Variants in TMED8 observed in about 807,000 individuals in gnomAD.
TMED8 encodes protein TMED8.
Under a neutral mutation model 32.7 loss-of-function variants are expected in TMED8, and 15 were observed. The ratio of observed to expected loss-of-function variants is 0.46; its 90% CI spans 0.31 to 0.71. The LOEUF (loss-of-function observed/expected upper bound fraction) is 0.71. Ranked by LOEUF, TMED8 falls within the 30% of genes least tolerant of loss-of-function variation. The pLI, the probability that TMED8 is intolerant of heterozygous loss-of-function variation, is 0.06. For synonymous variants in TMED8, 147 were observed against 161.4 expected, an observed-to-expected ratio of 0.91 and a Z score of 0.68; for missense variants, 390 against 423.9, an observed-to-expected ratio of 0.92 and a Z score of 0.70.
At chr14:77,349,038 C>T (rs182457385) in intron 2 of TMED8, among the ~76,000 whole-genome samples, 15 of 151,554 alleles carry the variant, frequency 9.9e-5, no homozygotes, top group African/African-American at 3.4e-4. Context: ...TGGTGGCAGG[C>T]ACTGGGTCTC....
At chr14:77,364,486 C>T (rs909928117) in intron 1 of TMED8, among the ~76,000 whole-genome samples, 6 of 152,154 alleles carry the variant, frequency 3.9e-5, no homozygotes, top group African/African-American at 1.4e-4. Flanking sequence ...CTCAAGCAAT[C>T]CTCCCACACG....
chr14:77,376,853 C>T lies in TMED8; in HGVS notation c.118+83G>A. 2 of 924,938 alleles carry T rather than the reference C, an allele frequency of 2.2e-6. No individual in the cohort carries two copies. Among genetic ancestry groups the T allele is most frequent in the Non-Finnish European group, 1.5e-6 (1 of 680,826 alleles). The allele number at this position is 924,938 out of a possible 1,614,324, so 57.3% of individuals were successfully genotyped here. On this transcript the variant is annotated intron_variant, in intron 1 of 5. Transcript: ENST00000216468. The surrounding 1 kb of genome is among the most constrained non-coding windows in gnomAD (Gnocchi z 4.0). ...GTCCGCTCCGCGGGGAAGCCCAGGA[C>T]AGAGCGCGGCGGAGGCTCGCGCCGT...
At chr14:77,372,938 ATATATATATATATATTTTTTTTTT>A (rs1199666765) in intron 1 of TMED8, among the ~76,000 whole-genome samples, 13 of 27,980 alleles carry the variant, frequency 4.6e-4, no homozygotes, top group African/African-American at 3.5e-3. Flanking sequence ...ATATATATAT[ATATATATATATATATTTTTTTTTT>A]TTTTTTTTTT....
chr14:77,349,304 G>C (rs1230122097), intron 2 of TMED8, among the ~76,000 whole-genome samples: 2 of 151,910 alleles, frequency 1.3e-5, no homozygotes, highest in Non-Finnish European at 2.9e-5. Flanking sequence ...TTTTAATAGA[G>C]ACGGGGTTTC....
chr14:77,352,202 G>A (rs1047728232), intron 1 of TMED8, among the ~76,000 whole-genome samples: 3 of 151,932 alleles, frequency 2.0e-5, no homozygotes, highest in African/African-American at 7.3e-5. Flanking sequence ...GCTGAGGTGA[G>A]TCAGGAGTTC....
At position 77,343,703 on chromosome 14, in the gene TMED8, T is replaced by C. The variant is rs763507437; in HGVS notation, c.448A>G (p.Arg150Gly). ...LESADLLGDH[R>G]KVSPPLMAPP... ...TTACTCCCAAAGGTCTCACCTTTCC[T>C]GTGGTCCCCCAGAAGATCTGCAGAT... The change falls in exon 4 of 6, where the codon AGG becomes GGG. Residue 150 changes from arginine to glycine, a missense_variant. Coordinates refer to ENST00000216468, the MANE Select transcript of TMED8 (RefSeq NM_213601.3). The C allele has an allele frequency of 6.2e-7, 1 of 1,614,230 alleles. No individual in the cohort carries two copies. Among genetic ancestry groups the C allele is most frequent in the South Asian group, 1.1e-5 (1 of 91,080 alleles).
chr14:77,371,067 T>C (rs565803243), intron 1 of TMED8, among the ~76,000 whole-genome samples: 2 of 152,214 alleles, frequency 1.3e-5, no homozygotes, highest in Admixed American at 1.3e-4. Context: ...CATTCTTTTC[T>C]ACAGCTGATT....
chr14:77,372,502 T>C (rs1210607979), intron 1 of TMED8, among the ~76,000 whole-genome samples: 1 of 152,198 alleles, frequency 6.6e-6, no homozygotes, highest in Non-Finnish European at 1.5e-5. Context: ...AAGCAGGCTA[T>C]GTGGTTACAG....
In TMED8 at chr14:77,348,128, AT is replaced by A. The variant is rs567753318; in HGVS notation, c.198-1651del. Among the ~76,000 whole-genome samples the A allele has an allele frequency of 3.3e-4, 50 of 152,342 alleles. No homozygotes were observed. In the East Asian group the frequency reaches 9.2e-3, roughly 28 times the overall value. On this transcript the variant is annotated intron_variant, in intron 2 of 5. Coordinates refer to ENST00000216468, the MANE Select transcript of TMED8 (RefSeq NM_213601.3). ...TTGTACTACATTCTTTGCTTTGAAA[AT>A]TAGTTGTTTTTAAGTAAAAACATGT...
At position 77,335,064 on chromosome 14, in the gene TMED8, A is replaced by T. The variant is rs1163540955; in HGVS notation, c.*6707T>A. ...AAAAGTTTATTTATGACAGATTCGA[A>T]AACTCAGAAGAGATGACAAAGAATG... On this transcript the variant is annotated 3_prime_UTR_variant, in exon 6 of 6. Coordinates refer to ENST00000216468, the MANE Select transcript of TMED8 (RefSeq NM_213601.3). 1 of 152,238 alleles carries T rather than the reference A, an allele frequency of 6.6e-6. No individual in the cohort carries two copies. The highest frequency in any genetic ancestry group is 2.4e-5 in the African/African-American group (1 of 41,450). The allele number at this position is 152,238 out of a possible 1,614,324, so 9.4% of individuals were successfully genotyped here.
intron 1 of TMED8, among the ~76,000 whole-genome samples, chr14:77,354,977 GT>G (rs1341053635): frequency 6.6e-6 from 1 of 151,860 alleles, no homozygotes; most frequent in Non-Finnish European, 1.5e-5. Context: ...AAGACAAGAG[GT>G]TTCTTTATGT....
intron 2 of TMED8, among the ~76,000 whole-genome samples, chr14:77,350,282 T>C (rs1893148801): frequency 3.3e-5 from 5 of 152,306 alleles, no homozygotes; most frequent in Admixed American, 2.6e-4. Flanking sequence ...CTGTGAAGTA[T>C]GATGTGTAAT....
intron 3 of TMED8, among the ~76,000 whole-genome samples, chr14:77,344,979 C>T (rs1333859474): frequency 1.3e-5 from 2 of 152,072 alleles, no homozygotes; most frequent in East Asian, 3.8e-4. Context: ...GCCTCAGTTT[C>T]CTCATTTCTT....
Position 77,365,641 on chromosome 14 carries a change from C to T in TMED8, c.118+11295G>A, listed in dbSNP as rs146347532. On this transcript the variant is annotated intron_variant, in intron 1 of 5. Coordinates refer to ENST00000216468, the MANE Select transcript of TMED8 (RefSeq NM_213601.3). ...AGAGATGAGCTGAGAGCCACAGGTC[C>T]CAGTGATTTAACTTGATACTTAACC... is the stretch of plus-strand genomic sequence containing the variant. Among the ~76,000 whole-genome samples the T allele has an allele frequency of 6.4e-3, 968 of 152,268 alleles. 5 individuals are homozygous for T. Among genetic ancestry groups the T allele is most frequent in the African/African-American group, 0.023 (937 of 41,548 alleles).
chr14:77,358,869 AAT>A (rs1338219011), intron 1 of TMED8, among the ~76,000 whole-genome samples: 1 of 152,160 alleles, frequency 6.6e-6, no homozygotes, highest in Non-Finnish European at 1.5e-5. Context: ...CTTAGAAAAA[AAT>A]ACACATTCTT....
At position 77,339,822 on chromosome 14, in the gene TMED8, C is replaced by T. The variant is rs1594836259; in HGVS notation, c.*1949G>A. On this transcript the variant is annotated 3_prime_UTR_variant, in exon 6 of 6. Coordinates refer to ENST00000216468, the MANE Select transcript of TMED8 (RefSeq NM_213601.3). ...GAGAATGGGAATGCTCTGGCAGTCCCCAACATCCTATCCCACTTGGGGCTT... is the reference window on the plus strand; with the variant it reads ...GAGAATGGGAATGCTCTGGCAGTCCTCAACATCCTATCCCACTTGGGGCTT... The T allele has an allele frequency of 1.3e-5, 2 of 152,322 alleles. No individual in the cohort carries two copies. Among genetic ancestry groups the T allele is most frequent in the African/African-American group, 4.8e-5 (2 of 41,550 alleles). 9.4% of individuals were successfully genotyped at this position (152,322 alleles called of 1,614,324 possible).
rs1407083344 is a variant in TMED8 at position 77,372,907 on chromosome 14, TATATATATATATATATATA to T, written c.118+4010_118+4028del. Among the ~76,000 whole-genome samples, 88 of 41,886 alleles carry T rather than the reference TATATATATATATATATATA, an allele frequency of 2.1e-3. 3 individuals carry two copies. The highest frequency in any genetic ancestry group is 7.6e-3 in the South Asian group (9 of 1,192). The allele number at this position is 41,886 out of a possible 152,430, so 27.5% of individuals were successfully genotyped here. ...TGCACATTGAAATAGCCACAGATAT[TATATATATATATATATATA>T]TATATATATATATATATATATATAT... On this transcript the variant is annotated intron_variant, in intron 1 of 5. Transcript: ENST00000216468.
At chr14:77,368,282 A>C (rs1311074496) in intron 1 of TMED8, among the ~76,000 whole-genome samples, 2 of 149,134 alleles carry the variant, frequency 1.3e-5, no homozygotes, top group African/African-American at 2.5e-5. Context: ...GCATCATTTC[A>C]TTACTCTGGA....
intron 3 of TMED8, among the ~76,000 whole-genome samples, chr14:77,344,702 A>G (rs1239502982): frequency 3.3e-5 from 5 of 152,236 alleles, no homozygotes; most frequent in Non-Finnish European, 7.3e-5. Context: ...GGGAGAGCAC[A>G]TCAGTGAGTC....
Sources: gnomAD v4.1 joint callset for allele counts (sites outside exome capture counted in the v4.1 genomes callset) on GRCh38, gnomAD v4.1.1 for gene constraint, Gnocchi (gnomAD v3.1) non-coding constraint, MANE v1.5 for transcripts, NCBI Gene and HGNC (gene_info 2026-07-23, HGNC 2026-07-21) for gene names.